ZNF721: variants seen among roughly 807,000 people sequenced by gnomAD.
The protein encoded by ZNF721 is zinc finger protein 721.
A neutral mutation model predicts 2.4 loss-of-function variants in ZNF721; 2 were observed. That is an observed-to-expected ratio of 0.82 (90% CI 0.34 to 2.58). The LOEUF (loss-of-function observed/expected upper bound fraction) is 2.58. Among genes scored for constraint, ZNF721 ranks in the 30% most tolerant of loss-of-function variants. ZNF721 has a pLI of 0.11. For synonymous variants in ZNF721, 398 were observed against 381.8 expected (o/e 1.04, Z -0.50); for missense variants, 1,187 against 1,085.5 (o/e 1.09, Z -1.31).
In ZNF721 at chr4:444,176, G is replaced by A; in HGVS notation, c.291C>T (p.Asn97=). 1 of 1,613,806 alleles carries A rather than the reference G, an allele frequency of 6.2e-7. No individual in the cohort carries two copies. The highest frequency in any genetic ancestry group is 8.5e-7 in the Non-Finnish European group (1 of 1,179,830). Residue 97 remains asparagine (N), a synonymous_variant, in exon 3 of 3, where the codon AAC becomes AAT. Coordinates refer to ENST00000511833, the MANE Select transcript of ZNF721 (RefSeq NM_133474.4). ...CTCCAGTATGTCTTGTCTTATCTTT[G>A]TTTGAATTTGCAAATTTACTAAAAA... ...VKVFSKFANS[N]KDKTRHTGEK... is the part of the protein sequence containing the mutation.
intron 2 of ZNF721, among the ~76,000 whole-genome samples, chr4:457,745 C>A (rs1292391183): frequency 2.6e-5 from 4 of 152,262 alleles, no homozygotes; most frequent in Non-Finnish European, 5.9e-5. Context: ...TAACCTGATT[C>A]CAAGTCCATG....
chr4:444,492 C>T (rs918230395), intron 2 of ZNF721, 60 bp from the exon 3 acceptor site: 3 of 1,453,622 alleles, frequency 2.1e-6, no homozygotes, highest in African/African-American at 2.8e-5. Flanking sequence ...ATATACTTTA[C>T]AAATCATAAG....
intron 1 of ZNF721, among the ~76,000 whole-genome samples, chr4:477,599 C>A (rs1431010407): frequency 6.6e-6 from 1 of 152,048 alleles, no homozygotes; most frequent in Non-Finnish European, 1.5e-5. Flanking sequence ...TGCCCCTAGA[C>A]TCGAAGATTT....
Position 440,672 on chromosome 4 carries a change from T to C in ZNF721, c.*1023A>G, listed in dbSNP as rs1714203378. Reference sequence around the variant, plus strand: ...AATTCTCTGGTGTTTCTTTTCTTTTTATCTTGTTTTGAGACAGAGTTTCAC... The same window carrying C: ...AATTCTCTGGTGTTTCTTTTCTTTTCATCTTGTTTTGAGACAGAGTTTCAC... On this transcript the variant is annotated 3_prime_UTR_variant, in exon 3 of 3. Transcript: ENST00000511833. The C allele has an allele frequency of 6.6e-6, 1 of 152,196 alleles. No homozygotes were observed. Among genetic ancestry groups the C allele is most frequent in the Admixed American group, 6.5e-5 (1 of 15,272 alleles). 9.4% of individuals were successfully genotyped at this position (152,196 alleles called of 1,614,324 possible).
At chr4:452,565 G>C (rs1553864953) in intron 2 of ZNF721, among the ~76,000 whole-genome samples, 1 of 152,104 alleles carries the variant, frequency 6.6e-6, no homozygotes, top group Non-Finnish European at 1.5e-5. Flanking sequence ...AACAAGCGGT[G>C]CAACTGACCC....
intron 1 of ZNF721, among the ~76,000 whole-genome samples, chr4:488,916 A>G (rs1417696503): frequency 2.0e-5 from 3 of 152,118 alleles, no homozygotes; most frequent in Non-Finnish European, 2.9e-5. Context: ...GAAGATAGGG[A>G]GGGAGGGTCT....
At chr4:496,046 G>C (rs1415235958) in intron 1 of ZNF721, among the ~76,000 whole-genome samples, 1 of 152,192 alleles carries the variant, frequency 6.6e-6, no homozygotes, top group African/African-American at 2.4e-5. Context: ...AGGTGGCGTT[G>C]TTATGTAAAT....
At chr4:450,730 G>A (rs1439354934) in intron 2 of ZNF721, among the ~76,000 whole-genome samples, 9 of 151,658 alleles carry the variant, frequency 5.9e-5, no homozygotes, top group African/African-American at 2.2e-4. Flanking sequence ...GACGTCAGGA[G>A]ATCGAGACCG....
At chr4:495,882 G>A (rs1484650776) in intron 1 of ZNF721, among the ~76,000 whole-genome samples, 1 of 152,106 alleles carries the variant, frequency 6.6e-6, no homozygotes, top group African/African-American at 2.4e-5. Flanking sequence ...GATTACAGGC[G>A]TGAGCCACTG....
chr4:487,209 A>G (rs1177617031), intron 1 of ZNF721, among the ~76,000 whole-genome samples: 1 of 152,220 alleles, frequency 6.6e-6, no homozygotes, highest in Non-Finnish European at 1.5e-5. Context: ...TCTGTTTCCC[A>G]AACTTGAATC....
At chr4:451,323 A>G (rs1714653958) in intron 2 of ZNF721, among the ~76,000 whole-genome samples, 1 of 152,172 alleles carries the variant, frequency 6.6e-6, no homozygotes, top group African/African-American at 2.4e-5. Context: ...CTATTCCTAT[A>G]CGTTAGTTAT....
rs1174201369 is a variant in ZNF721, at chr4:472,717, T to G, written c.-93-16A>C. ...TTAAGGGTTCCTGAAAATACATATG[T>G]ATCAAGTGACAGAGTTCTTAATTTG... On this transcript the variant is annotated splice_polypyrimidine_tract_variant and intron_variant, in intron 1 of 2. Transcript: ENST00000511833. 2 of 1,610,646 alleles carry G rather than the reference T, an allele frequency of 1.2e-6. No homozygotes were observed. Among genetic ancestry groups the G allele is most frequent in the East Asian group, 4.5e-5 (2 of 44,856 alleles).
intron 2 of ZNF721, among the ~76,000 whole-genome samples, chr4:466,030 T>G (rs1182193168): frequency 6.8e-6 from 1 of 146,930 alleles, no homozygotes. Context: ...GGAGTCTCAC[T>G]CTATCGCTCA....
intron 2 of ZNF721, among the ~76,000 whole-genome samples, chr4:455,166 A>T (rs1553865277): frequency 6.6e-6 from 1 of 152,172 alleles, no homozygotes; most frequent in Non-Finnish European, 1.5e-5. Context: ...ATTTGCTTAT[A>T]TACCTACATT....
chr4:486,449 G>A (rs1205960974), intron 1 of ZNF721, among the ~76,000 whole-genome samples: 10 of 152,062 alleles, frequency 6.6e-5, no homozygotes, highest in African/African-American at 1.7e-4. Flanking sequence ...GAGCCACCGC[G>A]CCCGGCCTTA....
intron 2 of ZNF721, among the ~76,000 whole-genome samples, chr4:444,831 A>C (rs1407481610): frequency 6.6e-6 from 1 of 152,180 alleles, no homozygotes; most frequent in East Asian, 1.9e-4. Context: ...TCTTTACAAA[A>C]ACTGATTTCT....
intron 2 of ZNF721, among the ~76,000 whole-genome samples, chr4:461,801 A>G (rs1334773254): frequency 6.6e-6 from 1 of 152,218 alleles, no homozygotes; most frequent in Non-Finnish European, 1.5e-5. Context: ...TGAACCCAGG[A>G]GATGGAGGTT....
chr4:444,443 C>G lies in ZNF721; in HGVS notation c.35-11G>C. On this transcript the variant is annotated splice_polypyrimidine_tract_variant and intron_variant, in intron 2 of 2. Coordinates refer to ENST00000511833, the MANE Select transcript of ZNF721 (RefSeq NM_133474.4). ...AATGAGAACACATAGCTGAAAGAAA[C>G]AAAAATAACAAATTATCCCAGTTAC... 6.5e-7 allele frequency: 1 copy of G among 1,548,194 alleles called. No homozygotes were observed. Among genetic ancestry groups the G allele is most frequent in the East Asian group, 2.3e-5 (1 of 44,310 alleles).
chr4:455,486 G>C (rs781813547), intron 2 of ZNF721, among the ~76,000 whole-genome samples: 12 of 152,176 alleles, frequency 7.9e-5, no homozygotes, highest in Non-Finnish European at 1.3e-4. Context: ...AGAATCGTTT[G>C]AATCTGGGAG....
Sources: gnomAD v4.1 joint callset for allele counts (sites outside exome capture counted in the v4.1 genomes callset) on GRCh38, gnomAD v4.1.1 for gene constraint, MANE v1.5 for transcripts, NCBI Gene and HGNC (gene_info 2026-07-23, HGNC 2026-07-21) for gene names.